Variants in ABCB5 observed in about 807,000 individuals in gnomAD.
ABCB5 encodes ATP-binding cassette sub-family B member 5.
A neutral mutation model predicts 144.2 loss-of-function variants in ABCB5; 155 were observed. The ratio of observed to expected loss-of-function variants is 1.08; its 90% confidence interval spans 0.94 to 1.23. The LOEUF (loss-of-function observed/expected upper bound fraction) is 1.23. Ranked by LOEUF, ABCB5 falls within the 50% of genes most tolerant of loss-of-function variation. The probability of loss-of-function intolerance (pLI) is 0.00; values close to 1 mark genes in which losing one functional copy is unlikely to be tolerated. For missense variants in ABCB5, 1,830 were observed against 1,520.8 expected (o/e 1.20, Z -3.38); for synonymous variants, 610 against 528.6 (o/e 1.15, Z -2.11).
At chr7:20,726,281 T>C (rs1782032615) in intron 21 of ABCB5, among the ~76,000 whole-genome samples, 1 of 151,994 alleles carries the variant, frequency 6.6e-6, no homozygotes, top group African/African-American at 2.4e-5. Flanking sequence ...CCTGTAATGT[T>C]CCTGAGTCCT....
At chr7:20,701,529 T>G (rs1786627728) in intron 19 of ABCB5, among the ~76,000 whole-genome samples, 1 of 152,184 alleles carries the variant, frequency 6.6e-6, no homozygotes, top group Non-Finnish European at 1.5e-5. Flanking sequence ...TGGAAGAATT[T>G]CAAAGCCATG....
intron 14 of ABCB5, chr7:20,666,862 A>G (rs367615581): frequency 5.0e-6 from 7 of 1,388,278 alleles, no homozygotes; most frequent in Non-Finnish European, 6.6e-6. Context: ...TAATCTTTAC[A>G]CTAATTCTGG....
intron 14 of ABCB5, among the ~76,000 whole-genome samples, chr7:20,670,719 G>C (rs184195574): frequency 2.4e-4 from 37 of 152,326 alleles, no homozygotes; most frequent in African/African-American, 8.7e-4. Context: ...AGACCAGCCT[G>C]ACCAACACAG....
chr7:20,680,091 C>T (rs1044260240), intron 14 of ABCB5, among the ~76,000 whole-genome samples: 25 of 152,016 alleles, frequency 1.6e-4, no homozygotes, highest in African/African-American at 5.3e-4. Context: ...ATAAATTATC[C>T]GCAACTCTAT....
chr7:20,714,370 G>C (rs1294264156), intron 20 of ABCB5, among the ~76,000 whole-genome samples: 1 of 150,936 alleles, frequency 6.6e-6, no homozygotes, highest in East Asian at 1.9e-4. Flanking sequence ...CTGTATTTTT[G>C]TGCCTCTTGC....
chr7:20,668,706 C>T (rs1341957179), intron 14 of ABCB5, among the ~76,000 whole-genome samples: 4 of 143,102 alleles, frequency 2.8e-5, no homozygotes, highest in African/African-American at 5.4e-5. Flanking sequence ...CCAGTCGCCC[C>T]GTCCAGGAGG....
At chr7:20,664,909 C>T (rs957446128) in intron 14 of ABCB5, among the ~76,000 whole-genome samples, 2 of 152,064 alleles carry the variant, frequency 1.3e-5, no homozygotes, top group African/African-American at 4.8e-5. Flanking sequence ...GGCAACATAG[C>T]AAGACCTTGT....
chr7:20,743,840 GTCCTAAAGGGC>G (rs1388303919), intron 25 of ABCB5, among the ~76,000 whole-genome samples: 1 of 152,068 alleles, frequency 6.6e-6, no homozygotes, highest in Non-Finnish European at 1.5e-5. Flanking sequence ...ACTCAAGGGA[GTCCTAAAGGGC>G]TCCCTTGAAC....
rs987731194 is a variant in ABCB5 at position 20,739,038 on chromosome 7, G to A, written c.2923G>A (p.Ala975Thr). Reference protein sequence around the residue: ...AMAIGETLVLAPEYSKAKSGA... With the variant: ...AMAIGETLVLTPEYSKAKSGA... ...GGCCATCGGAGAAACGCTCGTTTTG[G>A]CTCCTGAATATTCCAAAGCCAAATC... Residue 975 changes from alanine to threonine, a missense_variant, in exon 24 of 28, where the codon GCT becomes ACT. Coordinates refer to ENST00000404938, the MANE Select transcript of ABCB5 (RefSeq NM_001163941.2). 5.3e-5 allele frequency: 85 copies of A among 1,611,732 alleles called. No individual in the cohort carries two copies. The highest frequency in any genetic ancestry group is 6.8e-5 in the Non-Finnish European group (80 of 1,179,038).
chr7:20,746,838 C>T (rs367940015), intron 26 of ABCB5, among the ~76,000 whole-genome samples: 11 of 152,200 alleles, frequency 7.2e-5, no homozygotes, highest in Middle Eastern at 3.4e-3. Context: ...CATGTAGGGG[C>T]GAATTTCTAC....
At chr7:20,724,048 C>T (rs2128050076) in intron 21 of ABCB5, among the ~76,000 whole-genome samples, 1 of 152,218 alleles carries the variant, frequency 6.6e-6, no homozygotes, top group South Asian at 2.1e-4. Context: ...AAGTAGGAGT[C>T]CCTTGCACAA....
intron 14 of ABCB5, 98 bp downstream of exon 14, chr7:20,658,774 G>A: frequency 1.4e-6 from 2 of 1,395,276 alleles, no homozygotes; most frequent in Non-Finnish European, 1.9e-6. Context: ...CTCAAGTTGA[G>A]AGCCCTCTTA....
At chr7:20,638,680 G>C (rs557844840) in intron 5 of ABCB5, among the ~76,000 whole-genome samples, 3 of 152,294 alleles carry the variant, frequency 2.0e-5, no homozygotes, top group East Asian at 3.9e-4. Context: ...GTTGTAACAG[G>C]TAGGAGTAGT....
chr7:20,729,500 A>C (rs750236247), intron 23 of ABCB5, among the ~76,000 whole-genome samples: 2 of 152,180 alleles, frequency 1.3e-5, no homozygotes, highest in Non-Finnish European at 2.9e-5. Context: ...CTTCTTCCCA[A>C]AGCATTAGGT....
intron 16 of ABCB5, 80 bp downstream of exon 16, chr7:20,685,916 T>C: frequency 1.5e-6 from 2 of 1,352,998 alleles, no homozygotes; most frequent in Non-Finnish European, 2.0e-6. Context: ...AAAATTTATT[T>C]ATAGTAAAAT....
At position 20,658,631 on chromosome 7, in the gene ABCB5, C is replaced by T. The variant is rs756101695; in HGVS notation, c.1662C>T (p.Ala554=). 5 of 1,614,072 alleles carry T rather than the reference C, an allele frequency of 3.1e-6. No individual in the cohort carries two copies. The highest frequency in any genetic ancestry group is 2.2e-5 in the South Asian group (2 of 91,074). Residue 554 remains alanine, a synonymous_variant, in exon 14 of 28, where the codon GCC becomes GCT. Coordinates refer to ENST00000404938, the MANE Select transcript of ABCB5 (RefSeq NM_001163941.2). ...KILILDEATS[A]LDSESKSAVQ... is the part of the protein sequence containing the mutation. ...TGATTTTAGATGAGGCTACGTCTGC[C>T]CTGGATTCAGAAAGCAAGTCAGCTG... is the stretch of plus-strand genomic sequence containing the variant.
At chr7:20,738,644 T>C (rs1264526735) in intron 23 of ABCB5, among the ~76,000 whole-genome samples, 3 of 152,234 alleles carry the variant, frequency 2.0e-5, no homozygotes, top group Non-Finnish European at 2.9e-5. Flanking sequence ...CTATTGTCAG[T>C]TGAATTCTCT....
intron 26 of ABCB5, among the ~76,000 whole-genome samples, chr7:20,747,646 T>C (rs1782771004): frequency 6.6e-6 from 1 of 152,214 alleles, no homozygotes; most frequent in Non-Finnish European, 1.5e-5. Context: ...GCTGCAAAAA[T>C]CCACTGTGCT....
chr7:20,718,147 G>A (rs10234365), intron 20 of ABCB5, among the ~76,000 whole-genome samples: 2 of 151,150 alleles, frequency 1.3e-5, no homozygotes, highest in Admixed American at 6.6e-5. Context: ...CGGACCTCGT[G>A]ACCAGCCCGC....
Sources: allele counts gnomAD v4.1 joint callset (sites outside exome capture counted in the v4.1 genomes callset), GRCh38; gene constraint gnomAD v4.1.1; transcripts MANE v1.5; gene names NCBI Gene and HGNC (gene_info 2026-07-23, HGNC 2026-07-21).